Variants in ERBB4 observed in about 807,000 individuals in gnomAD.
The protein encoded by ERBB4 is erb-b2 receptor tyrosine kinase 4.
ERBB4 carries 42 observed loss-of-function variants against 158.0 expected under a neutral mutation model. The observed-to-expected ratio is 0.27, with a 90% CI of 0.21 to 0.34. ERBB4 has a LOEUF of 0.34. Ranked by LOEUF, ERBB4 falls within the 10% of genes least tolerant of loss-of-function variation. The pLI, the probability that ERBB4 is intolerant of heterozygous loss-of-function variation, is 1.00. For missense variants in ERBB4, 1,333 were observed against 1,624.1 expected, an observed-to-expected ratio of 0.82 and a Z score of 3.08; for synonymous variants, 583 against 558.7, an observed-to-expected ratio of 1.04 and a Z score of -0.61.
intron 1 of ERBB4, among the ~76,000 whole-genome samples, chr2:212,346,832 C>T (rs183242077): frequency 1.3e-4 from 20 of 152,068 alleles, no homozygotes; most frequent in East Asian, 9.7e-4. Context: ...TAATTAGGGA[C>T]GGAAGGAAAT....
chr2:211,921,237 T>C (rs1056724966), intron 3 of ERBB4, among the ~76,000 whole-genome samples: 2 of 152,084 alleles, frequency 1.3e-5, no homozygotes, highest in Non-Finnish European at 2.9e-5. Context: ...ATTGCTTTTA[T>C]TCAAGCTTTC....
chr2:212,467,857 G>A (rs1023752847), intron 1 of ERBB4, among the ~76,000 whole-genome samples: 1 of 152,224 alleles, frequency 6.6e-6, no homozygotes, highest in African/African-American at 2.4e-5. Context: ...GCCCATGAAA[G>A]CAGCTGGAAG....
chr2:211,842,431 T>G (rs2077492080), intron 3 of ERBB4, among the ~76,000 whole-genome samples: 1 of 139,228 alleles, frequency 7.2e-6, no homozygotes, highest in South Asian at 2.2e-4. Flanking sequence ...ATGTAGTCAA[T>G]ATCTTTTCTG....
chr2:212,327,449 G>A (rs1212589907), intron 1 of ERBB4, among the ~76,000 whole-genome samples: 1 of 151,906 alleles, frequency 6.6e-6, no homozygotes, highest in African/African-American at 2.4e-5. Context: ...TACTCTTGGA[G>A]ACCAAAGCAG....
chr2:211,567,740 C>CT (rs1480791359), intron 19 of ERBB4, among the ~76,000 whole-genome samples: 1 of 149,694 alleles, frequency 6.7e-6, no homozygotes, highest in South Asian at 2.1e-4. Context: ...TAATAGTTCT[C>CT]TTTTTCTGAA....
intron 3 of ERBB4, among the ~76,000 whole-genome samples, chr2:211,899,636 G>C (rs1383578884): frequency 6.6e-6 from 1 of 152,064 alleles, no homozygotes; most frequent in Non-Finnish European, 1.5e-5. Context: ...CTAGTGATAT[G>C]TTATTGTGAT....
chr2:211,511,384 T>C (rs565001657), intron 20 of ERBB4, among the ~76,000 whole-genome samples: 3 of 152,158 alleles, frequency 2.0e-5, no homozygotes, highest in South Asian at 4.1e-4. Context: ...TACATGTTCT[T>C]GAATAAATAC....
intron 2 of ERBB4, among the ~76,000 whole-genome samples, chr2:211,955,682 C>T (rs1343250895): frequency 4.6e-5 from 7 of 152,092 alleles, no homozygotes; most frequent in Non-Finnish European, 2.9e-5. Flanking sequence ...CTCAGTCAAT[C>T]ACAGGCTACC....
intron 19 of ERBB4, among the ~76,000 whole-genome samples, chr2:211,564,356 CCTT>C (rs1397064619): frequency 6.6e-6 from 1 of 152,136 alleles, no homozygotes; most frequent in Non-Finnish European, 1.5e-5. Flanking sequence ...CTACACATCT[CCTT>C]CTTCCCTTTA....
intron 1 of ERBB4, among the ~76,000 whole-genome samples, chr2:212,242,393 T>C (rs564385398): frequency 6.2e-4 from 95 of 152,222 alleles, no homozygotes; most frequent in African/African-American, 2.3e-3. Flanking sequence ...CATGTACAAC[T>C]TTACACAGTC....
intron 2 of ERBB4, among the ~76,000 whole-genome samples, chr2:212,031,115 C>A (rs2076893347): frequency 6.6e-6 from 1 of 152,088 alleles, no homozygotes; most frequent in Admixed American, 6.6e-5. Context: ...ATTCTTTGCC[C>A]AGCAAAATCT....
intron 1 of ERBB4, among the ~76,000 whole-genome samples, chr2:212,281,098 C>A (rs2085740312): frequency 6.6e-6 from 1 of 151,648 alleles, no homozygotes; most frequent in Non-Finnish European, 1.5e-5. Context: ...TACTGAAAGC[C>A]CTTCTTTTTT....
At chr2:211,953,236 T>C (rs910385501) in intron 2 of ERBB4, among the ~76,000 whole-genome samples, 3 of 152,002 alleles carry the variant, frequency 2.0e-5, no homozygotes, top group Admixed American at 1.3e-4. Flanking sequence ...ACAGAAATTA[T>C]AACAATGCCC....
chr2:212,112,762 T>G (rs1434089136), intron 2 of ERBB4, among the ~76,000 whole-genome samples: 1 of 152,188 alleles, frequency 6.6e-6, no homozygotes, highest in Admixed American at 6.5e-5. Context: ...TGAACCTATT[T>G]TAACAAATGG....
At chr2:212,148,224 G>T (rs1268576552) in intron 1 of ERBB4, among the ~76,000 whole-genome samples, 5 of 151,640 alleles carry the variant, frequency 3.3e-5, no homozygotes, top group African/African-American at 1.2e-4. Context: ...GGCATACACA[G>T]GATTATTCTA....
intron 1 of ERBB4, among the ~76,000 whole-genome samples, chr2:212,200,733 G>T (rs143327462): frequency 6.6e-6 from 1 of 152,264 alleles, no homozygotes. Flanking sequence ...ATTATTTATT[G>T]ATATTCCTTT....
intron 1 of ERBB4, among the ~76,000 whole-genome samples, chr2:212,294,994 T>G (rs900145492): frequency 6.6e-6 from 1 of 152,092 alleles, no homozygotes; most frequent in African/African-American, 2.4e-5. Flanking sequence ...TAATATTTGC[T>G]GTATGGTCTT....
At chr2:211,537,056 AAACAAAGT>A (rs1458453210) in intron 20 of ERBB4, among the ~76,000 whole-genome samples, 1 of 136,040 alleles carries the variant, frequency 7.4e-6, no homozygotes, top group Admixed American at 7.5e-5. Context: ...CAAAATATTC[AAACAAAGT>A]AAGAGTAAAA....
chr2:211,392,945 G>A (rs904972442), intron 25 of ERBB4, among the ~76,000 whole-genome samples: 7 of 152,040 alleles, frequency 4.6e-5, no homozygotes, highest in Admixed American at 2.6e-4. Flanking sequence ...GTGAGCCACC[G>A]CGCCCGGCTG....
Sources: gnomAD v4.1 joint callset for allele counts (sites outside exome capture counted in the v4.1 genomes callset) on GRCh38, gnomAD v4.1.1 for gene constraint, MANE v1.5 for transcripts, NCBI Gene and HGNC (gene_info 2026-07-23, HGNC 2026-07-21) for gene names.